IFNAR1: variants seen among roughly 807,000 people sequenced by gnomAD.
The protein encoded by IFNAR1 is interferon alpha/beta receptor 1.
Under a neutral mutation model 62.1 loss-of-function variants are expected in IFNAR1, and 47 were observed. The observed-to-expected ratio is 0.76, with a 90% CI of 0.60 to 0.97. The LOEUF (loss-of-function observed/expected upper bound fraction) is 0.97, where lower values mean the gene tolerates loss of function less well. Among genes scored for constraint, IFNAR1 ranks in the 50% least tolerant of loss-of-function variants. The pLI, the probability that IFNAR1 is intolerant of heterozygous loss-of-function variation, is 0.00. For synonymous variants in IFNAR1, 219 were observed against 226.9 expected, an observed-to-expected ratio of 0.97 and a Z score of 0.31; for missense variants, 638 against 654.5, an observed-to-expected ratio of 0.97 and a Z score of 0.27.
In IFNAR1 at chr21:33,357,541, T is replaced by TTTTTTTTTTTTTTTTTTTTTTTTC. The variant is rs1266408454; in HGVS notation, c.*1996_*1997insTTTTTTTTTTTTTTTTTTTCTTTT. The TTTTTTTTTTTTTTTTTTTTTTTTC allele has an allele frequency of 6.6e-6, 1 of 151,676 alleles. No homozygotes were observed. The highest frequency in any genetic ancestry group is 2.4e-5 in the African/African-American group (1 of 41,034). 9.4% of individuals were successfully genotyped at this position (151,676 alleles called of 1,614,324 possible). A position where few individuals can be genotyped will look rare whatever the true frequency, so the allele number is the denominator to read the frequency against. ...TCTGACCAGAGGCTGTTTTTTTTTT[T>TTTTTTTTTTTTTTTTTTTTTTTTC]TTTTGAGACAGTCTCATTCTGTTGC... On this transcript the variant is annotated 3_prime_UTR_variant, in exon 11 of 11. Transcript: ENST00000270139.
rs17875776 is a variant in IFNAR1, at chr21:33,330,672, T to C, written c.77-4852T>C. Among the ~76,000 whole-genome samples the C allele has an allele frequency of 2.8e-3, 424 of 152,220 alleles. 3 individuals carry two copies. The highest frequency in any genetic ancestry group is 9.6e-3 in the African/African-American group (399 of 41,522). ...ACAACTACATTTTAGCAAACTTAAC[T>C]AAGAGTGCTAGAGTGCATCAAAGAA... On this transcript the variant is annotated intron_variant, in intron 1 of 10. Coordinates refer to ENST00000270139, the MANE Select transcript of IFNAR1 (RefSeq NM_000629.3).
At chr21:33,347,322 G>T (rs568326557) in intron 6 of IFNAR1, among the ~76,000 whole-genome samples, 11 of 152,224 alleles carry the variant, frequency 7.2e-5, no homozygotes, top group African/African-American at 2.6e-4. Context: ...TAGAAACGGG[G>T]TTTCACCGTA....
chr21:33,344,709 A>C (rs1198627882), intron 5 of IFNAR1, among the ~76,000 whole-genome samples: 2 of 152,160 alleles, frequency 1.3e-5, no homozygotes, highest in East Asian at 3.9e-4. Flanking sequence ...CACTCAATAC[A>C]GATCTATTAC....
intron 10 of IFNAR1, among the ~76,000 whole-genome samples, 171 bp from the exon 11 acceptor site, chr21:33,355,144 CT>C (rs2083435171): frequency 6.6e-6 from 1 of 152,054 alleles, no homozygotes; most frequent in Admixed American, 6.6e-5. Flanking sequence ...ACTAATGATG[CT>C]TTTAAACATT....
chr21:33,328,750 TTAAAGA>T (rs1396625088), intron 1 of IFNAR1, among the ~76,000 whole-genome samples: 4 of 152,246 alleles, frequency 2.6e-5, no homozygotes, highest in East Asian at 1.9e-4. Context: ...TATGTCAGAC[TTAAAGA>T]TATAGTAAAC....
At chr21:33,343,038 C>G (rs373897082) in intron 3 of IFNAR1, among the ~76,000 whole-genome samples, 1 of 152,138 alleles carries the variant, frequency 6.6e-6, no homozygotes, top group Non-Finnish European at 1.5e-5. Flanking sequence ...GCTCATTGAT[C>G]GCTTCATCTT....
chr21:33,325,060 T>G lies in IFNAR1; in HGVS notation c.5T>G (p.Met2Arg). 1 of 1,604,372 alleles carries G rather than the reference T, an allele frequency of 6.2e-7. No individual in the cohort carries two copies. Residue 2 changes from methionine to arginine, a missense_variant, in exon 1 of 11, where the codon ATG becomes AGG. Physicochemically the swap from Met to Arg is moderately conservative, Grantham distance 91. Transcript: ENST00000270139. M[M>R]VVLLGATTLV... ...GGGATCTGCGGCGGCTCCCAGATGA[T>G]GGTCGTCCTCCTGGGCGCGACGACC...
At chr21:33,331,796 T>C (rs2834192) in intron 1 of IFNAR1, among the ~76,000 whole-genome samples, 18,195 of 151,970 alleles carry the variant, frequency 0.12, 1,827 homozygotes, top group African/African-American at 0.27. Flanking sequence ...ATTAAAACCA[T>C]ACCCTGCTCC....
At chr21:33,324,950 C>A, upstream of IFNAR1, 2 of 941,642 alleles carry the variant, frequency 2.1e-6, no homozygotes, top group Non-Finnish European at 1.6e-6. Flanking sequence ...CTAAGAGGGG[C>A]AGCGCGTGTG....
intron 2 of IFNAR1, 101 bp downstream of exon 2, chr21:33,335,748 A>AT (rs1266368702): frequency 3.9e-6 from 4 of 1,014,846 alleles, no homozygotes; most frequent in Non-Finnish European, 1.4e-6. Flanking sequence ...TGGTTTTTCT[A>AT]TTTTTTAGAA....
At chr21:33,349,613 A>T in intron 8 of IFNAR1, 70 bp downstream of exon 8, 1 of 1,209,320 alleles carries the variant, frequency 8.3e-7, no homozygotes, top group Admixed American at 2.7e-5. Context: ...TAAAGCTTGA[A>T]TGTAAAATTT....
At chr21:33,353,265 G>A (rs1333748151) in intron 9 of IFNAR1, among the ~76,000 whole-genome samples, 1 of 152,076 alleles carries the variant, frequency 6.6e-6, no homozygotes, top group Non-Finnish European at 1.5e-5. Context: ...TTTTAATGTG[G>A]GAATTGGTTT....
chr21:33,325,691 G>A (rs943991469), intron 1 of IFNAR1, among the ~76,000 whole-genome samples: 4 of 152,162 alleles, frequency 2.6e-5, no homozygotes, highest in African/African-American at 9.7e-5. Flanking sequence ...GTCTGTGACT[G>A]GTTTTCCAGA....
At chr21:33,349,570 G>A in intron 8 of IFNAR1, 27 bp downstream of exon 8, 1 of 1,450,536 alleles carries the variant, frequency 6.9e-7, no homozygotes, top group Non-Finnish European at 9.4e-7. Context: ...GTATAATTTT[G>A]TAACTTAGAG....
intron 2 of IFNAR1, among the ~76,000 whole-genome samples, chr21:33,339,127 T>G (rs1221925593): frequency 8.5e-5 from 13 of 152,192 alleles, no homozygotes. Context: ...GGAGCATGCT[T>G]CAGCATCTCC....
chr21:33,344,248 A>C (rs188723167), intron 5 of IFNAR1, among the ~76,000 whole-genome samples: 36 of 152,350 alleles, frequency 2.4e-4, no homozygotes, highest in Non-Finnish European at 3.2e-4. Flanking sequence ...CTGAACTATG[A>C]GTTCTGCAAG....
In IFNAR1 at chr21:33,325,811, A is replaced by G. The variant is rs183576110; in HGVS notation, c.76+680A>G. ...GATACCATGAGTGTCTTGAAGAGAA[A>G]AAGAGAGTAAAGGGAGTCAGTTATG... On this transcript the variant is annotated intron_variant, in intron 1 of 10. Coordinates refer to ENST00000270139, the MANE Select transcript of IFNAR1 (RefSeq NM_000629.3). Among the ~76,000 whole-genome samples, 156 of 152,314 alleles carry G rather than the reference A, an allele frequency of 1.0e-3. 1 individual carries two copies. Among genetic ancestry groups the G allele is most frequent in the African/African-American group, 2.8e-3 (117 of 41,564 alleles).
chr21:33,337,757 CTATA>C (rs915368255), intron 2 of IFNAR1, among the ~76,000 whole-genome samples: 1 of 58,480 alleles, frequency 1.7e-5, no homozygotes, highest in East Asian at 3.7e-4. Flanking sequence ...CATATACACA[CTATA>C]TATACATATA....
upstream of IFNAR1, chr21:33,324,853 A>C (rs932107171): frequency 1.2e-5 from 7 of 581,508 alleles, no homozygotes; most frequent in African/African-American, 1.1e-4. Flanking sequence ...CTAGGAGGAA[A>C]GGCGCGTGCG....
Sources: gnomAD v4.1 joint callset for allele counts (sites outside exome capture counted in the v4.1 genomes callset) on GRCh38, gnomAD v4.1.1 for gene constraint, MANE v1.5 for transcripts, NCBI Gene and HGNC (gene_info 2026-07-23, HGNC 2026-07-21) for gene names.